NUS1: variants seen among roughly 807,000 people sequenced by gnomAD.
The protein encoded by NUS1 is NUS1 dehydrodolichyl diphosphate synthase subunit.
For missense variants in NUS1, 292 were observed against 382.9 expected (o/e 0.76, Z 1.98); for synonymous variants, 135 against 155.2 (o/e 0.87, Z 0.97).
At chr6:117,694,857 T>G (rs952727832) in intron 3 of NUS1, among the ~76,000 whole-genome samples, 1 of 152,050 alleles carries the variant, frequency 6.6e-6, no homozygotes, top group African/African-American at 2.4e-5. Flanking sequence ...GTTTTAGACA[T>G]TCATTCATTT....
chr6:117,691,821 G>A (rs959893392), intron 1 of NUS1, among the ~76,000 whole-genome samples: 3 of 151,644 alleles, frequency 2.0e-5, no homozygotes, highest in Non-Finnish European at 4.4e-5. Context: ...ATGAAGATGT[G>A]TGTTTTGTGT....
At chr6:117,686,843 G>T (rs1773146325) in intron 1 of NUS1, among the ~76,000 whole-genome samples, 1 of 130,746 alleles carries the variant, frequency 7.6e-6, no homozygotes, top group Non-Finnish European at 1.6e-5. Flanking sequence ...TGTATCATGT[G>T]AAGTGTGTAT....
At chr6:117,677,546 A>G (rs78035921) in intron 1 of NUS1, among the ~76,000 whole-genome samples, 4,751 of 152,312 alleles carry the variant, frequency 0.031, 72 homozygotes, top group South Asian at 0.067. Flanking sequence ...TGCTCTAGAG[A>G]GGCATACATC....
intron 1 of NUS1, among the ~76,000 whole-genome samples, chr6:117,684,719 A>G (rs1773111496): frequency 6.6e-6 from 1 of 152,220 alleles, no homozygotes; most frequent in Non-Finnish European, 1.5e-5. Flanking sequence ...GTGATGAGAA[A>G]CCTGACTGCT....
intron 3 of NUS1, among the ~76,000 whole-genome samples, chr6:117,694,806 C>T (rs1247478782): frequency 6.6e-6 from 1 of 152,138 alleles, no homozygotes; most frequent in African/African-American, 2.4e-5. Flanking sequence ...GACAATCTCT[C>T]TAGTAAATTC....
At chr6:117,693,844 A>G (rs1336204923) in intron 2 of NUS1, among the ~76,000 whole-genome samples, 187 bp from the exon 3 acceptor site, 1 of 152,228 alleles carries the variant, frequency 6.6e-6, no homozygotes, top group African/African-American at 2.4e-5. Context: ...GATTTGGGAT[A>G]TATGGATCCT....
chr6:117,703,856 A>G (rs1773463276), intron 4 of NUS1, 152 bp downstream of exon 4: 2 of 650,218 alleles, frequency 3.1e-6, no homozygotes, highest in South Asian at 3.6e-5. Context: ...AAATAAAGTC[A>G]TACATAAATG....
Position 117,707,170 on chromosome 6 carries a change from AGTGT to A in NUS1, c.*165_*168del, listed in dbSNP as rs199562088. 12 of 662,828 alleles carry A rather than the reference AGTGT, an allele frequency of 1.8e-5. No individual in the cohort carries two copies. Among genetic ancestry groups the A allele is most frequent in the East Asian group, 5.8e-5 (2 of 34,402 alleles). 41.1% of individuals were successfully genotyped at this position (662,828 alleles called of 1,614,324 possible). A position where few individuals can be genotyped will look rare whatever the true frequency, so the allele number is the denominator to read the frequency against. On this transcript the variant is annotated 3_prime_UTR_variant, in exon 5 of 5. Transcript: ENST00000368494. ...CAAAAAAGTGTCTTACTTGAGAGTG[AGTGT>A]GTGTGTGTGCGTGTGCACGTGCACA...
At chr6:117,689,430 C>T (rs536944163) in intron 1 of NUS1, among the ~76,000 whole-genome samples, 15 of 152,040 alleles carry the variant, frequency 9.9e-5, no homozygotes, top group African/African-American at 2.2e-4. Flanking sequence ...TAGTATTACC[C>T]GACACTATTA....
chr6:117,703,761 C>T (rs1773461885), intron 4 of NUS1, 57 bp downstream of exon 4: 1 of 1,139,236 alleles, frequency 8.8e-7, no homozygotes, highest in African/African-American at 1.5e-5. Flanking sequence ...TTCTTGAGTT[C>T]AGCACTGTAC....
At chr6:117,706,773 T>A (rs1278413785) in intron 4 of NUS1, 152 bp from the exon 5 acceptor site, 2 of 601,624 alleles carry the variant, frequency 3.3e-6, no homozygotes, top group African/African-American at 1.9e-5. Flanking sequence ...ATATTATGAT[T>A]AAGACATTTT....
At chr6:117,685,978 A>G (rs80262921) in intron 1 of NUS1, among the ~76,000 whole-genome samples, 1 of 139,204 alleles carries the variant, frequency 7.2e-6, no homozygotes, top group African/African-American at 2.8e-5. Context: ...AAAAAAAAAA[A>G]GGGCTGGGCG....
At position 117,693,185 on chromosome 6, in the gene NUS1, A is replaced by G. The variant is rs1562179106; in HGVS notation, c.541+18A>G. The G allele has an allele frequency of 6.2e-7, 1 of 1,604,736 alleles. No individual in the cohort carries two copies. Among genetic ancestry groups the G allele is most frequent in the South Asian group, 1.1e-5 (1 of 89,346 alleles). ...TGATCAAGGTAAGCATGAGTGTATA[A>G]TTGAACATGTAACATATGAAGATGT... On this transcript the variant is annotated intron_variant, in intron 2 of 4. Transcript: ENST00000368494.
At chr6:117,678,645 T>C (rs1773017488) in intron 1 of NUS1, among the ~76,000 whole-genome samples, 1 of 151,486 alleles carries the variant, frequency 6.6e-6, no homozygotes, top group East Asian at 1.9e-4. Flanking sequence ...AGTATAGACA[T>C]GTAAGCTTTA....
At chr6:117,676,449 A>G (rs1024782126) in intron 1 of NUS1, among the ~76,000 whole-genome samples, 2 of 152,132 alleles carry the variant, frequency 1.3e-5, no homozygotes, top group Non-Finnish European at 2.9e-5. Flanking sequence ...GTGGTGGCAT[A>G]TGCCTGTAAT....
intron 1 of NUS1, among the ~76,000 whole-genome samples, chr6:117,684,718 A>T (rs1288612676): frequency 6.6e-6 from 1 of 152,252 alleles, no homozygotes; most frequent in Non-Finnish European, 1.5e-5. Flanking sequence ...TGTGATGAGA[A>T]ACCTGACTGC....
chr6:117,682,017 A>G (rs1773068786), intron 1 of NUS1, among the ~76,000 whole-genome samples: 1 of 152,078 alleles, frequency 6.6e-6, no homozygotes, highest in African/African-American at 2.4e-5. Context: ...TATTTTTAGT[A>G]GAGATGGGGT....
intron 1 of NUS1, among the ~76,000 whole-genome samples, chr6:117,682,724 A>T (rs774504255): frequency 6.6e-6 from 1 of 152,258 alleles, no homozygotes; most frequent in African/African-American, 2.4e-5. Context: ...ACTGAGATTT[A>T]AAAAGCCAGG....
chr6:117,692,983 T>C, intron 1 of NUS1, 59 bp from the exon 2 acceptor site: 1 of 1,404,180 alleles, frequency 7.1e-7, no homozygotes, highest in South Asian at 1.2e-5. Context: ...TAGCAAGCAT[T>C]CACTTGAAGA....
Sources: allele counts gnomAD v4.1 joint callset (sites outside exome capture counted in the v4.1 genomes callset), GRCh38; gene constraint gnomAD v4.1.1; transcripts MANE v1.5; gene names NCBI Gene and HGNC (gene_info 2026-07-23, HGNC 2026-07-21).